LPIN1: variants seen among roughly 807,000 people sequenced by gnomAD.
LPIN1 encodes lipin 1.
Under a neutral mutation model 107.5 loss-of-function variants are expected in LPIN1, and 71 were observed. The observed-to-expected ratio is 0.66, with a 90% confidence interval of 0.55 to 0.80. LPIN1 has a LOEUF of 0.80. LPIN1 is among the 30% of genes least tolerant of loss of function. The pLI is 0.00. For synonymous variants in LPIN1, 445 were observed against 452.6 expected, an observed-to-expected ratio of 0.98 and a Z score of 0.21; for missense variants, 1,043 against 1,160.6, an observed-to-expected ratio of 0.90 and a Z score of 1.47.
At chr2:11,766,865 C>T (rs760346113) in intron 2 of LPIN1, among the ~76,000 whole-genome samples, 38 of 152,108 alleles carry the variant, frequency 2.5e-4, no homozygotes, top group Non-Finnish European at 4.7e-4. Context: ...TCTGTTTGGC[C>T]CTTAGGGAGG....
At chr2:11,679,706 A>G (rs1661607646) in intron 1 of LPIN1, among the ~76,000 whole-genome samples, 1 of 152,218 alleles carries the variant, frequency 6.6e-6, no homozygotes, top group Admixed American at 6.5e-5. Flanking sequence ...ACCGTGGTCT[A>G]GATTCCCCCA....
intron 1 of LPIN1, among the ~76,000 whole-genome samples, chr2:11,706,865 A>G (rs979187941): frequency 6.6e-6 from 1 of 152,222 alleles, no homozygotes; most frequent in African/African-American, 2.4e-5. Context: ...TGAGACCCCT[A>G]AAATGATGTG....
chr2:11,821,246 G>A (rs1681457130), intron 20 of LPIN1, among the ~76,000 whole-genome samples: 1 of 152,128 alleles, frequency 6.6e-6, no homozygotes, highest in Admixed American at 6.5e-5. Context: ...GCCAGGCACG[G>A]TGGCTCATGC....
At chr2:11,700,873 A>G (rs898937636) in intron 1 of LPIN1, among the ~76,000 whole-genome samples, 1 of 152,146 alleles carries the variant, frequency 6.6e-6, no homozygotes, top group Admixed American at 6.5e-5. Context: ...GCCACTCCAT[A>G]TGCCTAGGCT....
At chr2:11,811,611 T>G (rs190467730) in intron 17 of LPIN1, among the ~76,000 whole-genome samples, 264 of 152,366 alleles carry the variant, frequency 1.7e-3, no homozygotes, top group African/African-American at 5.8e-3. Context: ...AGGACTTTGA[T>G]GTGAAGAGCT....
chr2:11,715,203 G>A (rs183424966), intron 2 of LPIN1, among the ~76,000 whole-genome samples: 3 of 152,290 alleles, frequency 2.0e-5, no homozygotes, highest in African/African-American at 4.8e-5. Flanking sequence ...GCAGCTTCCC[G>A]TGGTTCAGTC....
chr2:11,716,185 G>A (rs1663730540), intron 2 of LPIN1, among the ~76,000 whole-genome samples: 1 of 152,144 alleles, frequency 6.6e-6, no homozygotes, highest in South Asian at 2.1e-4. Flanking sequence ...ACAGACTCAC[G>A]CTGGAGGGCG....
At chr2:11,752,314 C>CT (rs1396606343) in intron 1 of LPIN1, among the ~76,000 whole-genome samples, 4 of 151,854 alleles carry the variant, frequency 2.6e-5, no homozygotes, top group African/African-American at 9.7e-5. Flanking sequence ...TGAAAGGCCT[C>CT]TTTCGATTCC....
intron 1 of LPIN1, among the ~76,000 whole-genome samples, chr2:11,740,071 C>T (rs1031679372): frequency 6.6e-6 from 1 of 152,174 alleles, no homozygotes; most frequent in Non-Finnish European, 1.5e-5. Flanking sequence ...GTGCAAAGGC[C>T]TGAGAACCTG....
In LPIN1 at chr2:11,824,701, T is replaced by A; in HGVS notation, c.2691T>A (p.Phe897Leu). 6.2e-7 allele frequency: 1 copy of A among 1,614,160 alleles called. No homozygotes were observed. Among genetic ancestry groups the A allele is most frequent in the Non-Finnish European group, 8.5e-7 (1 of 1,180,032 alleles). ...PLLKRSHSSD[F>L]PCSDTFSNFT... ...TGAAAAGAAGCCATTCTTCAGACTT[T>A]CCCTGTTCGGATACCTTCAGTAACT... Residue 897 changes from phenylalanine to leucine, a missense_variant, in exon 21 of 21, where the codon TTT (phenylalanine) becomes TTA (leucine). Phe to Leu is a conservative substitution (Grantham distance 22, BLOSUM62 0). Coordinates refer to ENST00000674199, the MANE Select transcript of LPIN1 (RefSeq NM_001349206.2).
At chr2:11,763,561 C>T (rs1056133740) in intron 1 of LPIN1, among the ~76,000 whole-genome samples, 1 of 152,146 alleles carries the variant, frequency 6.6e-6, no homozygotes, top group Non-Finnish European at 1.5e-5. Flanking sequence ...AATCGTTTCT[C>T]TCCTAGTCTT....
In LPIN1 at chr2:11,765,727, G is replaced by A; in HGVS notation, c.186G>A (p.Glu62=). ...FGKMGVLRSR[E]KVVDIEINGE... is the part of the protein sequence containing the mutation. ...AGATGGGGGTCCTGCGCTCCCGAGA[G>A]AAAGTGGTGAGCTCTCAGGGCACGG... The change falls in exon 2 of 21, where the codon GAG becomes GAA. Residue 62 remains glutamate, a synonymous_variant. Transcript: ENST00000674199. This position sits in a 1 kb window ranked among gnomAD's most constrained non-coding sequence, Gnocchi z 4.4. 1 of 1,610,372 alleles carries A rather than the reference G, an allele frequency of 6.2e-7. No individual in the cohort carries two copies.
In LPIN1 at chr2:11,713,629, G is replaced by A. The variant is rs10179409; in HGVS notation, c.82-127G>A. On this transcript the variant is annotated intron_variant, in intron 1 of 21. Transcript: ENST00000449576. Reference sequence around the variant, plus strand: ...ATTGGCATATAGCCTACATACCACCGAATTCACCATGTTCAAAATGTAGAG... The same window carrying A: ...ATTGGCATATAGCCTACATACCACCAAATTCACCATGTTCAAAATGTAGAG... 74,025 of 592,308 alleles carry A rather than the reference G, an allele frequency of 0.12. 5,427 individuals are homozygous for A. Among genetic ancestry groups the A allele is most frequent in the East Asian group, 0.27 (9,550 of 35,732 alleles). The allele number at this position is 592,308 out of a possible 1,614,324, so 36.7% of individuals were successfully genotyped here.
chr2:11,713,701 C>T, intron 1 of LPIN1: 1 of 1,049,526 alleles, frequency 9.5e-7, no homozygotes, highest in Non-Finnish European at 1.4e-6. Context: ...ACCATTACCA[C>T]CACCTAATTC....
intron 2 of LPIN1, 103 bp from the exon 3 acceptor site, chr2:11,767,660 T>A: frequency 1.3e-6 from 1 of 767,782 alleles, no homozygotes; most frequent in South Asian, 1.4e-5. Flanking sequence ...CACTTCAGGG[T>A]GTATGCGATG....
At chr2:11,812,058 A>G (rs903062563) in intron 17 of LPIN1, among the ~76,000 whole-genome samples, 1 of 152,244 alleles carries the variant, frequency 6.6e-6, no homozygotes, top group African/African-American at 2.4e-5. Context: ...AGACAAGCTG[A>G]TATTTCTAGA....
rs1213472560 is a variant in LPIN1, at chr2:11,759,117, TAGC to T, written c.-9-6415_-9-6413del. ...TAATGCTATCCAGTTATGAGCTAGC[TAGC>T]TTGCTTTCTTTCTTTTCTTTCTTTC... On this transcript the variant is annotated intron_variant, in intron 1 of 20. Coordinates refer to ENST00000674199, the MANE Select transcript of LPIN1 (RefSeq NM_001349206.2). 5.6e-3 allele frequency among the ~76,000 whole-genome samples: 852 copies of T among 151,110 alleles called. 9 individuals are homozygous for T. The highest frequency in any genetic ancestry group is 0.019 in the African/African-American group (798 of 41,150).
chr2:11,821,746 G>C (rs1681563109), intron 20 of LPIN1, among the ~76,000 whole-genome samples: 1 of 152,184 alleles, frequency 6.6e-6, no homozygotes, highest in South Asian at 2.1e-4. Flanking sequence ...CAATAGGGCA[G>C]TTCTAGGCTA....
At chr2:11,802,437 C>T (rs896070891) in intron 14 of LPIN1, among the ~76,000 whole-genome samples, 3 of 152,050 alleles carry the variant, frequency 2.0e-5, no homozygotes, top group Admixed American at 6.6e-5. Context: ...GGCACCTGTC[C>T]GTAAGTCCTA....
Sources: allele counts gnomAD v4.1 joint callset (sites outside exome capture counted in the v4.1 genomes callset), GRCh38; gene constraint gnomAD v4.1.1; non-coding constraint Gnocchi (gnomAD v3.1); transcripts MANE v1.5; gene names NCBI Gene and HGNC (gene_info 2026-07-23, HGNC 2026-07-21).